HLF: variants seen among roughly 807,000 people sequenced by gnomAD.
HLF encodes the protein HLF transcription factor, PAR bZIP family member, also known as hepatic leukemia factor.
HLF carries 3 observed loss-of-function variants against 22.6 expected under a neutral mutation model. That is an observed-to-expected ratio of 0.13 (90% CI 0.06 to 0.34). The LOEUF (loss-of-function observed/expected upper bound fraction) is 0.34, where lower values mean the gene tolerates loss of function less well. HLF is among the 10% of genes least tolerant of loss of function. The pLI, the probability that HLF is intolerant of heterozygous loss-of-function variation, is 1.00. For missense variants in HLF, 299 were observed against 389.2 expected (o/e 0.77, Z 1.95); for synonymous variants, 151 against 151.8 (o/e 0.99, Z 0.04).
Position 55,320,598 on chromosome 17 carries a change from G to A in HLF, c.673-66G>A, listed in dbSNP as rs1475805350. ...AATCCTGGAGCCTGCCCGTGCCCTG[G>A]CTGGCACTGGGCTTTGCTGAAATCT... On this transcript the variant is annotated intron_variant, in intron 3 of 3. Coordinates refer to ENST00000226067, the MANE Select transcript of HLF (RefSeq NM_002126.5). The surrounding 1 kb of genome is among the most constrained non-coding windows in gnomAD (Gnocchi z 4.2). 9.6e-6 allele frequency: 14 copies of A among 1,455,146 alleles called. No individual in the cohort carries two copies. The highest frequency in any genetic ancestry group is 1.3e-5 in the Non-Finnish European group (14 of 1,052,668). The allele number at this position is 1,455,146 out of a possible 1,614,324, so 90.1% of individuals were successfully genotyped here. A position where few individuals can be genotyped will look rare whatever the true frequency, so the allele number is the denominator to read the frequency against.
chr17:55,316,755 G>A (rs990144892), intron 3 of HLF, among the ~76,000 whole-genome samples: 2 of 152,162 alleles, frequency 1.3e-5, no homozygotes, highest in African/African-American at 2.4e-5. Flanking sequence ...GCCCATGGGT[G>A]ACAAATCAAT....
At chr17:55,293,903 G>A (rs2145336304) in intron 2 of HLF, among the ~76,000 whole-genome samples, 1 of 152,270 alleles carries the variant, frequency 6.6e-6, no homozygotes, top group East Asian at 1.9e-4. Context: ...GAGGAAAGGA[G>A]CAACATATGC....
chr17:55,291,975 A>G (rs1448986588), intron 2 of HLF, among the ~76,000 whole-genome samples: 2 of 152,234 alleles, frequency 1.3e-5, no homozygotes, highest in Non-Finnish European at 2.9e-5. Context: ...TTAGAAGTAG[A>G]ACTTGAAGAT....
At chr17:55,269,077 G>A (rs2145292447) in intron 2 of HLF, among the ~76,000 whole-genome samples, 1 of 152,316 alleles carries the variant, frequency 6.6e-6, no homozygotes, top group Non-Finnish European at 1.5e-5. Context: ...GCAGGACAAT[G>A]CGAAACTTGT....
chr17:55,282,415 G>A (rs1218021173), intron 2 of HLF, among the ~76,000 whole-genome samples: 2 of 152,132 alleles, frequency 1.3e-5, no homozygotes, highest in African/African-American at 4.8e-5. Context: ...CTGTAAAATG[G>A]GAATAATCTA....
Position 55,265,484 on chromosome 17 carries a change from G to T in HLF, c.-1G>T. 6.3e-7 allele frequency: 1 copy of T among 1,580,856 alleles called. No homozygotes were observed. Among genetic ancestry groups the T allele is most frequent in the Non-Finnish European group, 8.7e-7 (1 of 1,152,526 alleles). ...AGGGGAAAAAATTTGAGTGCATCGCGATGGAGAAAATGTCCCGACCGCTCC... is the reference window on the plus strand; with the variant it reads ...AGGGGAAAAAATTTGAGTGCATCGCTATGGAGAAAATGTCCCGACCGCTCC... On this transcript the variant is annotated 5_prime_UTR_variant, in exon 1 of 4. Transcript: ENST00000226067.
intron 2 of HLF, among the ~76,000 whole-genome samples, chr17:55,294,795 G>T (rs946197874): frequency 1.3e-5 from 2 of 152,144 alleles, no homozygotes; most frequent in African/African-American, 4.8e-5. Flanking sequence ...AAAGAGGATG[G>T]CTCTAAAGTC....
chr17:55,287,697 A>T (rs1039385098), intron 2 of HLF, among the ~76,000 whole-genome samples: 2 of 152,116 alleles, frequency 1.3e-5, no homozygotes, highest in African/African-American at 4.8e-5. Flanking sequence ...ATCCTGCAAG[A>T]TTTTCTCATT....
At chr17:55,270,843 C>T (rs888475209) in intron 2 of HLF, among the ~76,000 whole-genome samples, 4 of 151,882 alleles carry the variant, frequency 2.6e-5, no homozygotes, top group Non-Finnish European at 4.4e-5. Context: ...GGGGTTTCAC[C>T]GTTTTAGCCG....
intron 2 of HLF, among the ~76,000 whole-genome samples, chr17:55,304,173 A>G (rs1374864623): frequency 1.3e-5 from 2 of 152,064 alleles, no homozygotes; most frequent in Non-Finnish European, 2.9e-5. Flanking sequence ...TGGTCACCCT[A>G]TGATATTTCC....
intron 2 of HLF, among the ~76,000 whole-genome samples, chr17:55,292,502 A>C (rs1326818752): frequency 2.6e-5 from 4 of 152,238 alleles, no homozygotes; most frequent in African/African-American, 9.6e-5. Flanking sequence ...TTACACACTT[A>C]ATAGATTACA....
Position 55,315,361 on chromosome 17 carries a change from C to T in HLF, c.586C>T (p.Arg196Cys), listed in dbSNP as rs758242519. ...CCCTGGCCAGGAAATGTTTGACCCTCGCAAACGCAAGTTCTCTGAGGAAGA... is the reference window on the plus strand; with the variant it reads ...CCCTGGCCAGGAAATGTTTGACCCTTGCAAACGCAAGTTCTCTGAGGAAGA... ...SIPGQEMFDP[R>C]KRKFSEEELK... Residue 196 changes from arginine (R) to cysteine (C), a missense_variant, in exon 3 of 4, where the codon CGC becomes TGC. Around this residue, in one of 3 missense-constraint regions of HLF, gnomAD observed 224 missense variants for 298.1 expected, o/e 0.75. Coordinates refer to ENST00000226067, the MANE Select transcript of HLF (RefSeq NM_002126.5). 3.7e-6 allele frequency: 6 copies of T among 1,614,154 alleles called. No homozygotes were observed. The highest frequency in any genetic ancestry group is 5.1e-6 in the Non-Finnish European group (6 of 1,179,994).
At chr17:55,308,761 G>T (rs1049838309) in intron 2 of HLF, among the ~76,000 whole-genome samples, 1 of 152,178 alleles carries the variant, frequency 6.6e-6, no homozygotes, top group African/African-American at 2.4e-5. Context: ...ATTGCAATGA[G>T]AATGTTTACC....
chr17:55,293,081 G>A (rs575301618), intron 2 of HLF, among the ~76,000 whole-genome samples: 1 of 152,218 alleles, frequency 6.6e-6, no homozygotes, highest in East Asian at 1.9e-4. Context: ...AATAGCTACA[G>A]TAGGGTGACT....
intron 2 of HLF, among the ~76,000 whole-genome samples, chr17:55,289,573 A>G (rs2081040037): frequency 6.6e-6 from 1 of 152,236 alleles, no homozygotes; most frequent in East Asian, 1.9e-4. Context: ...AGTGCATAAA[A>G]TTATTCCTAT....
chr17:55,265,711 C>T lies in HLF; in HGVS notation c.115+112C>T, dbSNP rs1301223850. The T allele has an allele frequency of 1.0e-5, 11 of 1,089,362 alleles. No individual in the cohort carries two copies. In the East Asian group the frequency reaches 1.2e-4, roughly 12 times the overall value. 67.5% of individuals were successfully genotyped at this position (1,089,362 alleles called of 1,614,324 possible). A position where few individuals can be genotyped will look rare whatever the true frequency, so the allele number is the denominator to read the frequency against. Reference sequence around the variant, plus strand: ...CCAACCCCGCTCCCGCCCTGTCCCGCGGCGCCCCGGCCCCGCGCTGATGAA... The same window carrying T: ...CCAACCCCGCTCCCGCCCTGTCCCGTGGCGCCCCGGCCCCGCGCTGATGAA... On this transcript the variant is annotated intron_variant, in intron 1 of 3. Transcript: ENST00000226067.
chr17:55,272,517 G>A (rs1272727085), intron 2 of HLF: 2 of 152,168 alleles, frequency 1.3e-5, no homozygotes, highest in Admixed American at 1.3e-4. Flanking sequence ...TGGTTACAGA[G>A]TAAAGTGAAA....
chr17:55,299,639 C>T (rs1428095102), intron 2 of HLF, among the ~76,000 whole-genome samples: 1 of 152,204 alleles, frequency 6.6e-6, no homozygotes, highest in African/African-American at 2.4e-5. Context: ...GCCTGCCACA[C>T]GTCTAGCGCA....
At chr17:55,290,536 G>A (rs1038265692) in intron 2 of HLF, among the ~76,000 whole-genome samples, 1 of 152,136 alleles carries the variant, frequency 6.6e-6, no homozygotes, top group South Asian at 2.1e-4. Flanking sequence ...ATATAAGATG[G>A]TGAACTTCAT....
Sources: allele counts gnomAD v4.1 joint callset (sites outside exome capture counted in the v4.1 genomes callset), GRCh38; gene constraint gnomAD v4.1.1; regional missense constraint gnomAD v4.1.1; non-coding constraint Gnocchi (gnomAD v3.1); transcripts MANE v1.5; gene names NCBI Gene and HGNC (gene_info 2026-07-23, HGNC 2026-07-21).